Variants in NEGR1 observed in about 807,000 individuals in gnomAD.
NEGR1 encodes neuronal growth regulator 1, also known as IgLON family member 4.
NEGR1 carries 10 observed loss-of-function variants against 40.9 expected under a neutral mutation model. The observed-to-expected ratio is 0.24, with a 90% CI of 0.15 to 0.42. NEGR1 has a LOEUF of 0.42. Ranked by LOEUF, NEGR1 falls within the 10% of genes least tolerant of loss-of-function variation. NEGR1 has a pLI of 1.00. For missense variants in NEGR1, 352 were observed against 438.9 expected (o/e 0.80, Z 1.77); for synonymous variants, 185 against 166.8 (o/e 1.11, Z -0.84).
chr1:71,984,016 A>T (rs1646375387), intron 1 of NEGR1, among the ~76,000 whole-genome samples: 1 of 118,998 alleles, frequency 8.4e-6, no homozygotes, highest in South Asian at 3.7e-4. Flanking sequence ...AATTAATAAA[A>T]TGTGTCTCTG....
intron 1 of NEGR1, among the ~76,000 whole-genome samples, chr1:72,212,858 A>C (rs757150990): frequency 4.6e-5 from 7 of 151,932 alleles, no homozygotes; most frequent in Non-Finnish European, 7.4e-5. Flanking sequence ...TTGATGTAAA[A>C]ATGCAAAAAA....
intron 1 of NEGR1, among the ~76,000 whole-genome samples, chr1:72,033,472 A>G (rs1267352087): frequency 2.0e-5 from 3 of 152,204 alleles, no homozygotes; most frequent in African/African-American, 7.2e-5. Flanking sequence ...TTATTCCAAT[A>G]CTATGTATTT....
intron 2 of NEGR1, among the ~76,000 whole-genome samples, chr1:71,904,185 T>C (rs1661216207): frequency 6.6e-6 from 1 of 151,836 alleles, no homozygotes; most frequent in South Asian, 2.1e-4. Context: ...TCACCAAACA[T>C]AAAGGGAAAA....
intron 3 of NEGR1, among the ~76,000 whole-genome samples, chr1:71,748,506 G>A (rs905374143): frequency 6.6e-6 from 1 of 152,118 alleles, no homozygotes; most frequent in African/African-American, 2.4e-5. Flanking sequence ...GGAGAATAGT[G>A]ATGACATATT....
intron 5 of NEGR1, among the ~76,000 whole-genome samples, chr1:71,606,290 T>A (rs575187028): frequency 6.6e-6 from 1 of 152,156 alleles, no homozygotes; most frequent in Non-Finnish European, 1.5e-5. Flanking sequence ...CATCTGCCAA[T>A]AACTAGCACT....
intron 1 of NEGR1, among the ~76,000 whole-genome samples, chr1:72,064,443 A>T (rs1647228681): frequency 1.3e-5 from 2 of 152,206 alleles, no homozygotes; most frequent in South Asian, 4.1e-4. Flanking sequence ...CTGAACAAGC[A>T]ATATGTTGAT....
intron 1 of NEGR1, among the ~76,000 whole-genome samples, chr1:72,232,763 A>G (rs1288522788): frequency 6.6e-6 from 1 of 152,120 alleles, no homozygotes; most frequent in African/African-American, 2.4e-5. Flanking sequence ...AGGTGATTAA[A>G]ACAATATAGG....
intron 6 of NEGR1, chr1:71,484,647 G>T (rs966402179): frequency 2.0e-5 from 3 of 151,696 alleles, no homozygotes; most frequent in South Asian, 2.1e-4. Context: ...TGCTGAATTC[G>T]CAATGTAGGT....
chr1:71,406,708 C>T lies in NEGR1; in HGVS notation c.*738G>A, dbSNP rs912991997. The T allele has an allele frequency of 1.3e-5, 2 of 152,426 alleles. No individual in the cohort carries two copies. The highest frequency in any genetic ancestry group is 2.4e-5 in the African/African-American group (1 of 41,422). 9.4% of individuals were successfully genotyped at this position (152,426 alleles called of 1,614,324 possible). A position where few individuals can be genotyped will look rare whatever the true frequency, so the allele number is the denominator to read the frequency against. Reference sequence around the variant, plus strand: ...GATTTTTACAGTCCAATAGCTCCTTCGTTACTTAGAGATAGTGTATGGTTT... The same window carrying T: ...GATTTTTACAGTCCAATAGCTCCTTTGTTACTTAGAGATAGTGTATGGTTT... On this transcript the variant is annotated 3_prime_UTR_variant, in exon 7 of 7. Transcript: ENST00000357731.
intron 1 of NEGR1, among the ~76,000 whole-genome samples, chr1:72,090,163 T>C (rs538333325): frequency 6.6e-6 from 1 of 152,208 alleles, no homozygotes; most frequent in East Asian, 1.9e-4. Context: ...CAGAAGTTCC[T>C]GTAGATTTAA....
chr1:72,088,662 A>G (rs776227829), intron 1 of NEGR1, among the ~76,000 whole-genome samples: 2 of 152,168 alleles, frequency 1.3e-5, no homozygotes, highest in Non-Finnish European at 2.9e-5. Context: ...TAATGTGTTC[A>G]ACACTAAATC....
At chr1:71,512,897 A>T (rs1249761797) in intron 6 of NEGR1, among the ~76,000 whole-genome samples, 1 of 152,312 alleles carries the variant, frequency 6.6e-6, no homozygotes, top group East Asian at 1.9e-4. Context: ...CCGAATTTTT[A>T]AAATGTGTAA....
rs553347407 is a variant in NEGR1 at position 71,792,763 on chromosome 1, T to A, written c.410-16466A>T. On this transcript the variant is annotated intron_variant, in intron 2 of 6. Coordinates refer to ENST00000357731, the MANE Select transcript of NEGR1 (RefSeq NM_173808.3). ...GCTGGAAGCTGTAACACTCAAATGG[T>A]ACCTTCAGGAACTAAGCTGTATGCT... Among the ~76,000 whole-genome samples, 73 of 152,282 alleles carry A rather than the reference T, an allele frequency of 4.8e-4. 1 individual carries two copies. The highest frequency in any genetic ancestry group is 1.7e-3 in the African/African-American group (72 of 41,570).
intron 5 of NEGR1, among the ~76,000 whole-genome samples, chr1:71,596,693 G>T (rs1300141828): frequency 6.6e-6 from 1 of 152,146 alleles, no homozygotes; most frequent in East Asian, 1.9e-4. Context: ...TATAAATCCA[G>T]TCTCAATCCA....
At chr1:71,667,982 T>C (rs1652297034) in intron 4 of NEGR1, among the ~76,000 whole-genome samples, 1 of 152,238 alleles carries the variant, frequency 6.6e-6, no homozygotes, top group South Asian at 2.1e-4. Context: ...TCATAATACA[T>C]ATGAATGTAT....
chr1:72,219,361 C>T (rs1447014893), intron 1 of NEGR1, among the ~76,000 whole-genome samples: 1 of 151,842 alleles, frequency 6.6e-6, no homozygotes, highest in African/African-American at 2.4e-5. Context: ...TCATAATGGT[C>T]ACATTATGCA....
rs1425332581 is a variant in NEGR1, at chr1:71,397,922, C to G, written c.*9524G>C. 6.6e-6 allele frequency: 1 copy of G among 152,276 alleles called. No homozygotes were observed. The highest frequency in any genetic ancestry group is 2.1e-4 in the South Asian group (1 of 4,828). 9.4% of individuals were successfully genotyped at this position (152,276 alleles called of 1,614,324 possible). The stretch of plus-strand genomic sequence containing the variant: ...ATGTGCAGTCTAGGAACTTGGTGCT[C>G]TGCCTCCCAGTTGCTCCCAGGATGA... On this transcript the variant is annotated 3_prime_UTR_variant, in exon 7 of 7. Coordinates refer to ENST00000357731, the MANE Select transcript of NEGR1 (RefSeq NM_173808.3).
intron 1 of NEGR1, among the ~76,000 whole-genome samples, chr1:71,959,150 A>ATTTAC (rs1450920306): frequency 6.6e-6 from 1 of 152,140 alleles, no homozygotes; most frequent in Non-Finnish European, 1.5e-5. Flanking sequence ...GGATGATCTA[A>ATTTAC]TTTACTTTCA....
At chr1:71,793,759 C>T (rs771732883) in intron 2 of NEGR1, among the ~76,000 whole-genome samples, 3 of 151,732 alleles carry the variant, frequency 2.0e-5, no homozygotes, top group Non-Finnish European at 4.4e-5. Flanking sequence ...TATTTAACAG[C>T]TTATAAATTT....
Sources: allele counts gnomAD v4.1 joint callset (sites outside exome capture counted in the v4.1 genomes callset), GRCh38; gene constraint gnomAD v4.1.1; transcripts MANE v1.5; gene names NCBI Gene and HGNC (gene_info 2026-07-23, HGNC 2026-07-21).